The following OGT variants were observed in gnomAD, a reference collection of about 807,000 sequenced individuals.
OGT encodes UDP-N-acetylglucosamine--peptide N-acetylglucosaminyltransferase 110 kDa subunit.
Under a neutral mutation model 75.8 loss-of-function variants are expected in OGT, and 3 were observed. The observed-to-expected ratio is 0.04, with a 90% CI of 0.02 to 0.10. The LOEUF is 0.10. OGT is among the 10% of genes least tolerant of loss of function. The pLI is 1.00. For missense variants in OGT, 260 were observed against 824.4 expected, an observed-to-expected ratio of 0.32 and a Z score of 8.38; for synonymous variants, 257 against 289.7, an observed-to-expected ratio of 0.89 and a Z score of 1.15.
chrX:71,573,716 A>G lies in OGT; in HGVS notation c.3063A>G (p.Leu1021=), dbSNP rs2040473279. The G allele has an allele frequency of 2.5e-6, 3 of 1,209,651 alleles. No individual in the cohort carries two copies. The highest frequency in any genetic ancestry group is 1.7e-5 in the African/African-American group (1 of 57,769). The change falls in exon 22 of 22, where the codon CTA becomes CTG. Residue 1021 remains leucine, a synonymous_variant. Transcript: ENST00000373719. ...CAATGGAACTAGAGCGGCTCTATCT[A>G]CAGATGTGGGAGCATTATGCAGCTG... ...QYTMELERLY[L]QMWEHYAAGN... is the part of the protein sequence containing the mutation.
chrX:71,552,246 T>C (rs1439107135), intron 5 of OGT, among the ~76,000 whole-genome samples: 1 of 109,629 alleles, frequency 9.1e-6, no homozygotes, highest in Non-Finnish European at 1.9e-5. Context: ...AAATAATGAG[T>C]GACACTCCGT....
chrX:71,541,625 C>T (rs1318985581), intron 3 of OGT, among the ~76,000 whole-genome samples: 1 of 111,530 alleles, frequency 9.0e-6, no homozygotes, highest in Non-Finnish European at 1.9e-5. Context: ...AAGTAGACTT[C>T]CTTGGCTGAA....
At chrX:71,563,585 A>G in intron 18 of OGT, 86 bp downstream of exon 18, 1 of 719,762 alleles carries the variant, frequency 1.4e-6, no homozygotes, top group Non-Finnish European at 2.0e-6. Flanking sequence ...GGAGGCAAGT[A>G]TCATTATCAC....
In OGT at chrX:71,563,407, A is replaced by G; in HGVS notation, c.2344A>G (p.Ile782Val). ...LNMPVIPMNTIAEAVIEMINR... is the reference protein window; with the variant it reads ...LNMPVIPMNTVAEAVIEMINR... ...TATGCCTGTTATTCCTATGAATACT[A>G]TTGCAGAAGCAGTTATTGAAATGAT... Residue 782 changes from isoleucine to valine, a missense_variant, in exon 18 of 22, where the codon ATT becomes GTT. By Grantham distance (29) the Ile-to-Val change is conservative. Transcript: ENST00000373719. The G allele has an allele frequency of 8.3e-7, 1 of 1,202,914 alleles. No homozygotes were observed. The highest frequency in any genetic ancestry group is 1.1e-6 in the Non-Finnish European group (1 of 887,377).
At chrX:71,548,060 G>T (rs754654594) in intron 5 of OGT, 37 bp downstream of exon 5, 7 of 1,167,145 alleles carry the variant, frequency 6.0e-6, no homozygotes, top group Non-Finnish European at 8.2e-6. Flanking sequence ...TTTTTGAAGT[G>T]CTTACGCATG....
In OGT at chrX:71,533,446, G is replaced by C. The variant is rs188372063; in HGVS notation, c.37+110G>C. 5 of 709,265 alleles carry C rather than the reference G, an allele frequency of 7.0e-6. No homozygotes were observed. In the Admixed American group the frequency reaches 1.4e-4, roughly 19 times the overall value. The allele number at this position is 709,265 out of a possible 1,213,427, so 58.5% of individuals were successfully genotyped here. On this transcript the variant is annotated intron_variant, in intron 1 of 21. Transcript: ENST00000373719. ...CCCTCGAACCATCCCCATTACATCA[G>C]TGACATTGCTAAGCTTTTCGTGGTC...
At chrX:71,556,810 A>T in intron 9 of OGT, 30 bp downstream of exon 9, 1 of 1,048,766 alleles carries the variant, frequency 9.5e-7, no homozygotes, top group Non-Finnish European at 1.3e-6. Flanking sequence ...TTATTTTTAA[A>T]ATTATTTTTA....
chrX:71,568,192 A>G, intron 21 of OGT, 76 bp downstream of exon 21: 2 of 905,537 alleles, frequency 2.2e-6, no homozygotes, highest in Non-Finnish European at 3.0e-6. Flanking sequence ...AAACCATAAA[A>G]TAAGTGTAAT....
chrX:71,546,869 G>T, intron 4 of OGT: 1 of 755,063 alleles, frequency 1.3e-6, no homozygotes, highest in Non-Finnish European at 1.6e-6. Context: ...TGAGTAATCT[G>T]ATTGACTGGC....
At chrX:71,570,033 GTTTTTTTTTTTTTTTTT>G (rs34416880) in intron 21 of OGT, among the ~76,000 whole-genome samples, 5 of 26,499 alleles carry the variant, frequency 1.9e-4, no homozygotes, top group Non-Finnish European at 2.5e-4. Flanking sequence ...TGTGCCTGGC[GTTTTTTTTTTTTTTTTT>G]TTTTTTTTTG....
At chrX:71,562,800 T>A (rs768531964) in intron 15 of OGT, 47 bp from the exon 16 acceptor site, 4 of 1,069,827 alleles carry the variant, frequency 3.7e-6, no homozygotes, top group Non-Finnish European at 5.1e-6. Context: ...TAGAGGTAAG[T>A]GTACTGATAA....
intron 4 of OGT, chrX:71,547,199 C>T: frequency 1.3e-6 from 1 of 754,247 alleles, no homozygotes; most frequent in Non-Finnish European, 1.6e-6. Flanking sequence ...AACTTAAAGC[C>T]TGGCTTTATG....
intron 4 of OGT, chrX:71,547,255 T>G (rs1602142142): frequency 1.3e-6 from 1 of 753,870 alleles, no homozygotes; most frequent in Non-Finnish European, 1.6e-6. Context: ...GTAGCATAGT[T>G]TTGATGTTAG....
intron 15 of OGT, among the ~76,000 whole-genome samples, chrX:71,562,512 C>T (rs981718070): frequency 1.8e-5 from 2 of 111,550 alleles, no homozygotes; most frequent in African/African-American, 3.3e-5. Flanking sequence ...CCTTGCTGTG[C>T]GTGTGGCAAG....
chrX:71,546,640 TAAGTAA>T, intron 4 of OGT: 1 of 720,187 alleles, frequency 1.4e-6, no homozygotes, highest in South Asian at 7.1e-5. Flanking sequence ...CTGTCAAAGA[TAAGTAA>T]AAGTTAATTG....
At chrX:71,565,132 C>G (rs1055529972) in intron 19 of OGT, among the ~76,000 whole-genome samples, 3 of 112,408 alleles carry the variant, frequency 2.7e-5, no homozygotes, top group Admixed American at 9.4e-5. Context: ...GCACTCCAGA[C>G]TGGGCAACAA....
intron 21 of OGT, among the ~76,000 whole-genome samples, chrX:71,570,750 AT>A (rs2147696649): frequency 9.1e-6 from 1 of 109,867 alleles, no homozygotes; most frequent in Non-Finnish European, 1.9e-5. Flanking sequence ...TAAAAAAAAA[AT>A]AAGATTCATG....
At chrX:71,566,898 T>C (rs1268807154) in intron 19 of OGT, among the ~76,000 whole-genome samples, 2 of 112,784 alleles carry the variant, frequency 1.8e-5, no homozygotes, top group Non-Finnish European at 3.7e-5. Context: ...ACATGGTACA[T>C]AGAGTAGATG....
At chrX:71,547,790 A>G in intron 4 of OGT, 117 bp from the exon 5 acceptor site, 1 of 1,134,427 alleles carries the variant, frequency 8.8e-7, no homozygotes, top group Non-Finnish European at 1.2e-6. Flanking sequence ...CAGAGAAGGA[A>G]TAATGATATC....
Sources: allele counts gnomAD v4.1 joint callset (sites outside exome capture counted in the v4.1 genomes callset), GRCh38; gene constraint gnomAD v4.1.1; transcripts MANE v1.5; gene names NCBI Gene and HGNC (gene_info 2026-07-23, HGNC 2026-07-21).